The following GPC4 variants were observed in gnomAD, a reference collection of about 807,000 sequenced individuals.
The protein encoded by GPC4 is glypican-4.
In GPC4, 10 loss-of-function variants were observed where a neutral mutation model predicts 35.0. The ratio of observed to expected loss-of-function variants is 0.29; its 90% CI spans 0.18 to 0.48. The LOEUF (loss-of-function observed/expected upper bound fraction) is 0.48. Among genes scored for constraint, GPC4 ranks in the 20% least tolerant of loss-of-function variants. The pLI, the probability that GPC4 is intolerant of heterozygous loss-of-function variation, is 0.99. For missense variants in GPC4, 322 were observed against 451.3 expected (o/e 0.71, Z 2.60); for synonymous variants, 167 against 170.2 (o/e 0.98, Z 0.15).
chrX:133,398,850 G>A lies in GPC4; in HGVS notation c.160+15956C>T, dbSNP rs192775386. Among the ~76,000 whole-genome samples the A allele has an allele frequency of 7.1e-4, 79 of 111,133 alleles. 1 individual carries two copies. Among genetic ancestry groups the A allele is most frequent in the African/African-American group, 2.5e-3 (76 of 30,644 alleles). ...GAAAAAACAATCTTTCTTGAAATAC[G>A]GAAGACTCTGTTCTCAGAGCAGCAG... On this transcript the variant is annotated intron_variant, in intron 1 of 8. Transcript: ENST00000370828.
chrX:133,395,529 C>T lies in GPC4; in HGVS notation c.160+19277G>A, dbSNP rs1385106360. Among the ~76,000 whole-genome samples, 4 of 111,315 alleles carry T rather than the reference C, an allele frequency of 3.6e-5. No homozygotes were observed. In the East Asian group the frequency reaches 1.1e-3, roughly 31 times the overall value. ...ATCCCAGCTACTTGGGAGGCTGAGG[C>T]AGGAGAATTGCTTGAACCCTGGAGG... On this transcript the variant is annotated intron_variant, in intron 1 of 8. Coordinates refer to ENST00000370828, the MANE Select transcript of GPC4 (RefSeq NM_001448.3).
chrX:133,367,717 A>T (rs1226573279), intron 1 of GPC4, among the ~76,000 whole-genome samples: 1 of 111,559 alleles, frequency 9.0e-6, no homozygotes, highest in East Asian at 2.8e-4. Flanking sequence ...AAAATTAAAA[A>T]ATTACCTGGG....
rs748239102 is a variant in GPC4 at position 133,352,050 on chromosome X, T to C, written c.161-12709A>G. Among the ~76,000 whole-genome samples, 4 of 111,811 alleles carry C rather than the reference T, an allele frequency of 3.6e-5. No individual in the cohort carries two copies. The South Asian group carries it at 1.5e-3, about 42-fold the overall frequency. On this transcript the variant is annotated intron_variant, in intron 1 of 8. Coordinates refer to ENST00000370828, the MANE Select transcript of GPC4 (RefSeq NM_001448.3). ...TGTTGTTCTCTAGGCTTTTTCTCTCTCCTTCTTACTCTATAATGTGAATTC... is the reference window on the plus strand; with the variant it reads ...TGTTGTTCTCTAGGCTTTTTCTCTCCCCTTCTTACTCTATAATGTGAATTC...
intron 1 of GPC4, 139 bp downstream of exon 1, chrX:133,414,667 C>T: frequency 8.8e-7 from 1 of 1,130,795 alleles, no homozygotes; most frequent in Non-Finnish European, 1.2e-6. Context: ...CTCGCTCGCT[C>T]CTGCCCTCTC....
At chrX:133,372,430 G>A (rs2068616771) in intron 1 of GPC4, among the ~76,000 whole-genome samples, 1 of 109,738 alleles carries the variant, frequency 9.1e-6, no homozygotes, top group Admixed American at 9.8e-5. Flanking sequence ...CCCTTTCAAA[G>A]TCCCTCCTTT....
chrX:133,353,663 G>A (rs1400494019), intron 1 of GPC4, among the ~76,000 whole-genome samples: 1 of 111,825 alleles, frequency 8.9e-6, no homozygotes, highest in Non-Finnish European at 1.9e-5. Flanking sequence ...AAACATGGGG[G>A]ATGGGGAAGT....
At chrX:133,376,273 C>T (rs1417366641) in intron 1 of GPC4, among the ~76,000 whole-genome samples, 1 of 112,013 alleles carries the variant, frequency 8.9e-6, no homozygotes, top group African/African-American at 3.2e-5. Flanking sequence ...AGGCACACAA[C>T]CTACCCCGGG....
chrX:133,401,275 C>T (rs757792550), intron 1 of GPC4, among the ~76,000 whole-genome samples: 2 of 111,413 alleles, frequency 1.8e-5, no homozygotes, highest in African/African-American at 6.5e-5. Flanking sequence ...GTGATACGAT[C>T]TAAGTTTAAG....
In GPC4 at chrX:133,335,155, G is replaced by A. The variant is rs1440305511; in HGVS notation, c.319+4028C>T. On this transcript the variant is annotated intron_variant, in intron 2 of 8. Coordinates refer to ENST00000370828, the MANE Select transcript of GPC4 (RefSeq NM_001448.3). ...AAGTATGTGATTAGCATATTCATGAGATGACTGATTCAGCTAAGTTAATTA... is the reference window on the plus strand; with the variant it reads ...AAGTATGTGATTAGCATATTCATGAAATGACTGATTCAGCTAAGTTAATTA... Among the ~76,000 whole-genome samples the A allele has an allele frequency of 2.7e-5, 3 of 111,047 alleles. No individual in the cohort carries two copies. In the East Asian group the frequency reaches 8.5e-4, roughly 31 times the overall value.
chrX:133,400,160 G>C (rs1223033131), intron 1 of GPC4, among the ~76,000 whole-genome samples: 1 of 111,981 alleles, frequency 8.9e-6, no homozygotes, highest in Non-Finnish European at 1.9e-5. Flanking sequence ...TGCAACCAGA[G>C]AAAGTGTTCC....
intron 1 of GPC4, among the ~76,000 whole-genome samples, chrX:133,386,703 T>G (rs2068692396): frequency 8.9e-6 from 1 of 112,001 alleles, no homozygotes; most frequent in Non-Finnish European, 1.9e-5. Context: ...CCTAATTCGC[T>G]CTGACATACT....
rs148022245 is a variant in GPC4 at position 133,334,202 on chromosome X, C to T, written c.319+4981G>A. Reference sequence around the variant, plus strand: ...ACTGGTTAATGGCTAATATGAACTACAGAAAATTTGCAGTTGGTGATTAAA... The same window carrying T: ...ACTGGTTAATGGCTAATATGAACTATAGAAAATTTGCAGTTGGTGATTAAA... On this transcript the variant is annotated intron_variant, in intron 2 of 8. Transcript: ENST00000370828. 5.2e-3 allele frequency among the ~76,000 whole-genome samples: 581 copies of T among 111,835 alleles called. 7 individuals carry two copies. The highest frequency in any genetic ancestry group is 0.018 in the African/African-American group (558 of 30,742).
In GPC4 at chrX:133,404,866, A is replaced by AAAAAAAAAAG. The variant is rs753375530; in HGVS notation, c.160+9939_160+9940insCTTTTTTTTT. On this transcript the variant is annotated intron_variant, in intron 1 of 8. Transcript: ENST00000370828. ...GACCCTGTCTCAAAAAAAAAAAAAA[A>AAAAAAAAAAG]AAGGTGCAGAGGAACAAAATCATAA... Among the ~76,000 whole-genome samples, 199 of 89,218 alleles carry AAAAAAAAAAG rather than the reference A, an allele frequency of 2.2e-3. 8 individuals carry two copies. Among genetic ancestry groups the AAAAAAAAAAG allele is most frequent in the African/African-American group, 5.9e-3 (114 of 19,208 alleles). The allele number at this position is 89,218 out of a possible 115,157, so 77.5% of individuals were successfully genotyped here. A position where few individuals can be genotyped will look rare whatever the true frequency, so the allele number is the denominator to read the frequency against.
chrX:133,397,019 T>C (rs764217535), intron 1 of GPC4, among the ~76,000 whole-genome samples: 5 of 112,247 alleles, frequency 4.5e-5, no homozygotes, highest in East Asian at 2.8e-4. Flanking sequence ...CAGAATCTCA[T>C]TGTATATTAC....
At chrX:133,345,467 T>A (rs1050424312) in intron 1 of GPC4, among the ~76,000 whole-genome samples, 1 of 112,304 alleles carries the variant, frequency 8.9e-6, no homozygotes, top group Non-Finnish European at 1.9e-5. Flanking sequence ...TAAAGCTGCC[T>A]CCTTACACAT....
intron 2 of GPC4, among the ~76,000 whole-genome samples, chrX:133,326,227 G>C (rs1302151109): frequency 9.0e-6 from 1 of 111,344 alleles, no homozygotes; most frequent in Admixed American, 9.6e-5. Context: ...CTGAAAGTGA[G>C]AGGGCAGAAA....
intron 1 of GPC4, among the ~76,000 whole-genome samples, chrX:133,394,277 A>T (rs5977868): frequency 0.025 from 2,735 of 108,895 alleles, 63 homozygotes; most frequent in African/African-American, 0.068. Flanking sequence ...CTCAAAAAAA[A>T]ATATATATAT....
chrX:133,342,201 T>A (rs1283011280), intron 1 of GPC4, among the ~76,000 whole-genome samples: 1 of 108,678 alleles, frequency 9.2e-6, no homozygotes, highest in Admixed American at 9.9e-5. Context: ...CATGCCTGGC[T>A]AATTTTTGTA....
intron 1 of GPC4, among the ~76,000 whole-genome samples, chrX:133,339,742 T>C (rs1010047040): frequency 8.9e-6 from 1 of 112,355 alleles, no homozygotes; most frequent in Admixed American, 9.4e-5. Flanking sequence ...AGAGAGACTG[T>C]CCTTAATGAC....
Sources: allele counts gnomAD v4.1 joint callset (sites outside exome capture counted in the v4.1 genomes callset), GRCh38; gene constraint gnomAD v4.1.1; transcripts MANE v1.5; gene names NCBI Gene and HGNC (gene_info 2026-07-23, HGNC 2026-07-21).